Variants in WAPL observed in about 807,000 individuals in gnomAD.
WAPL encodes the protein WAPL cohesin release factor.
Under a neutral mutation model 121.0 loss-of-function variants are expected in WAPL, and 5 were observed. That is an observed-to-expected ratio of 0.04 (90% CI 0.02 to 0.09). The LOEUF is 0.09. WAPL is among the 10% of genes least tolerant of loss of function. The pLI, the probability that WAPL is intolerant of heterozygous loss-of-function variation, is 1.00. For synonymous variants in WAPL, 480 were observed against 481.5 expected, an observed-to-expected ratio of 1.00 and a Z score of 0.04; for missense variants, 999 against 1,410.8, an observed-to-expected ratio of 0.71 and a Z score of 4.68.
chr10:86,513,582 T>A (rs1308464654), intron 2 of WAPL, among the ~76,000 whole-genome samples: 1 of 152,178 alleles, frequency 6.6e-6, no homozygotes, highest in African/African-American at 2.4e-5. Flanking sequence ...CCCAAAGTGC[T>A]GGGATGACAG....
At chr10:86,442,465 A>G (rs1849493861) in intron 17 of WAPL, among the ~76,000 whole-genome samples, 1 of 152,046 alleles carries the variant, frequency 6.6e-6, no homozygotes, top group African/African-American at 2.4e-5. Flanking sequence ...TTCCTTTTTC[A>G]TGAGATTAAA....
At chr10:86,466,996 C>T (rs4291587) in intron 9 of WAPL, 285,738 of 321,968 alleles carry the variant, frequency 0.89, 127,814 homozygotes, top group Non-Finnish European at 0.93. Context: ...CCACTGTGCC[C>T]GGCCCCTTTT....
intron 4 of WAPL, among the ~76,000 whole-genome samples, chr10:86,478,072 G>T (rs1247990438): frequency 6.8e-6 from 1 of 147,258 alleles, no homozygotes; most frequent in African/African-American, 2.5e-5. Flanking sequence ...AAAAAAAAAA[G>T]AAAGAAAGAA....
intron 3 of WAPL, among the ~76,000 whole-genome samples, chr10:86,497,959 TAGAA>T (rs1564583726): frequency 6.6e-6 from 1 of 152,216 alleles, no homozygotes; most frequent in East Asian, 1.9e-4. Context: ...ATAGGAAACA[TAGAA>T]AGACTCTTCT....
chr10:86,443,145 C>A (rs17331221), intron 17 of WAPL, 130 bp downstream of exon 17: 24,024 of 623,920 alleles, frequency 0.039, 586 homozygotes, highest in Middle Eastern at 0.056. Flanking sequence ...AGCCAATAGC[C>A]TTTGTGGAAT....
rs1021849127 is a variant in WAPL at position 86,436,349 on chromosome 10, T to C, written c.*1194A>G. 1 of 151,532 alleles carries C rather than the reference T, an allele frequency of 6.6e-6. No individual in the cohort carries two copies. The highest frequency in any genetic ancestry group is 6.6e-5 in the Admixed American group (1 of 15,162). 9.4% of individuals were successfully genotyped at this position (151,532 alleles called of 1,614,324 possible). A position where few individuals can be genotyped will look rare whatever the true frequency, so the allele number is the denominator to read the frequency against. On this transcript the variant is annotated 3_prime_UTR_variant, in exon 19 of 19. Transcript: ENST00000298767. ...TATTTAAAAGTATTAATGAAAAAGA[T>C]CTCTAGAAAGCCTGTATTCAGGCCC...
intron 12 of WAPL, 33 bp from the exon 13 acceptor site, chr10:86,453,864 T>C: frequency 7.0e-7 from 1 of 1,425,690 alleles, no homozygotes; most frequent in Non-Finnish European, 9.3e-7. Context: ...ACTATTATAG[T>C]AAATAATAAT....
At chr10:86,515,072 CA>C (rs1842529066) in intron 2 of WAPL, among the ~76,000 whole-genome samples, 2 of 151,968 alleles carry the variant, frequency 1.3e-5, no homozygotes, top group African/African-American at 4.8e-5. Context: ...CCAGCCGGGC[CA>C]ACATGGTGAA....
chr10:86,453,558 A>T, intron 13 of WAPL, 98 bp downstream of exon 13: 1 of 1,389,016 alleles, frequency 7.2e-7, no homozygotes, highest in Non-Finnish European at 9.7e-7. Context: ...TATGACAAAT[A>T]AAAAAATCAC....
chr10:86,507,472 T>C (rs1842374403), intron 2 of WAPL, among the ~76,000 whole-genome samples: 1 of 151,562 alleles, frequency 6.6e-6, no homozygotes, highest in African/African-American at 2.4e-5. Flanking sequence ...TTATTCAACC[T>C]CTTATTCACT....
intron 4 of WAPL, among the ~76,000 whole-genome samples, chr10:86,483,473 G>T: frequency 6.6e-6 from 1 of 151,498 alleles, no homozygotes; most frequent in Non-Finnish European, 1.5e-5. Flanking sequence ...AGTAACACTT[G>T]ACAATGAATG....
At chr10:86,468,812 A>G (rs1480314030) in intron 8 of WAPL, among the ~76,000 whole-genome samples, 1 of 152,002 alleles carries the variant, frequency 6.6e-6, no homozygotes, top group Non-Finnish European at 1.5e-5. Flanking sequence ...AAAATACAAA[A>G]AAATTAGGCC....
At chr10:86,513,156 C>T (rs922990137) in intron 2 of WAPL, among the ~76,000 whole-genome samples, 6 of 152,020 alleles carry the variant, frequency 3.9e-5, no homozygotes, top group Admixed American at 2.0e-4. Flanking sequence ...AAGCAATTTC[C>T]GCTAATTTTT....
intron 2 of WAPL, among the ~76,000 whole-genome samples, chr10:86,517,009 G>C (rs888626769): frequency 8.5e-5 from 13 of 152,072 alleles, no homozygotes; most frequent in Admixed American, 6.6e-4. Flanking sequence ...CATGAACCTG[G>C]GAGGCGGAGC....
At chr10:86,469,028 C>T (rs754873363) in intron 8 of WAPL, among the ~76,000 whole-genome samples, 1 of 151,834 alleles carries the variant, frequency 6.6e-6, no homozygotes, top group African/African-American at 2.4e-5. Context: ...CGCTTGAACC[C>T]GGGAGGCAGA....
Position 86,472,208 on chromosome 10 carries a change from C to A in WAPL, c.2030G>T (p.Ser677Ile). 6.4e-7 allele frequency: 1 copy of A among 1,557,866 alleles called. No homozygotes were observed. Among genetic ancestry groups the A allele is most frequent in the Non-Finnish European group, 8.6e-7 (1 of 1,159,678 alleles). The stretch of plus-strand genomic sequence containing the variant: ...GTAAAATATAAAAATAAGATCTTAC[C>A]TAAGGCAACGTGTGTTTAGAGGCTG... Reference protein sequence around the residue: ...STQPLNTRCLSVISLATKCAM... With the variant: ...STQPLNTRCLIVISLATKCAM... Residue 677 changes from serine to isoleucine, a missense_variant and splice_region_variant, in exon 7 of 19, where the codon AGT becomes ATT. Ser to Ile is a moderately radical substitution (Grantham distance 142). Around this residue, in one of 7 missense-constraint regions of WAPL, gnomAD observed 118 missense variants for 318.3 expected, o/e 0.37. Coordinates refer to ENST00000298767, the MANE Select transcript of WAPL (RefSeq NM_015045.5). The surrounding 1 kb of genome is among the most constrained non-coding windows in gnomAD (Gnocchi z 4.2).
intron 2 of WAPL, among the ~76,000 whole-genome samples, chr10:86,504,060 G>A (rs1842297231): frequency 2.0e-5 from 3 of 152,100 alleles, no homozygotes; most frequent in Admixed American, 6.5e-5. Context: ...AGTCGTCCTC[G>A]CTACTTGGGA....
chr10:86,512,445 C>T (rs1413204508), intron 2 of WAPL, among the ~76,000 whole-genome samples: 1 of 152,174 alleles, frequency 6.6e-6, no homozygotes, highest in Non-Finnish European at 1.5e-5. Flanking sequence ...TTCTAGAGTC[C>T]AGATTAAAAA....
At chr10:86,512,190 T>TA (rs1842476729) in intron 2 of WAPL, among the ~76,000 whole-genome samples, 1 of 152,222 alleles carries the variant, frequency 6.6e-6, no homozygotes, top group African/African-American at 2.4e-5. Context: ...TTTCCCTTTC[T>TA]AAAAAATCAC....
Sources: allele counts gnomAD v4.1 joint callset (sites outside exome capture counted in the v4.1 genomes callset), GRCh38; gene constraint gnomAD v4.1.1; regional missense constraint gnomAD v4.1.1; non-coding constraint Gnocchi (gnomAD v3.1); transcripts MANE v1.5; gene names NCBI Gene and HGNC (gene_info 2026-07-23, HGNC 2026-07-21).